Variants in TUBGCP4 observed in about 807,000 individuals in gnomAD.
TUBGCP4 encodes the protein tubulin gamma complex component 4, also known as gamma-tubulin complex component 4.
A neutral mutation model predicts 91.6 loss-of-function variants in TUBGCP4; 54 were observed. The ratio of observed to expected loss-of-function variants is 0.59; its 90% CI spans 0.47 to 0.74. The LOEUF (loss-of-function observed/expected upper bound fraction) is 0.74. Among genes scored for constraint, TUBGCP4 ranks in the 30% least tolerant of loss-of-function variants. The pLI, the probability that TUBGCP4 is intolerant of heterozygous loss-of-function variation, is 0.00. For missense variants in TUBGCP4, 593 were observed against 800.9 expected, an observed-to-expected ratio of 0.74 and a Z score of 3.13; for synonymous variants, 297 against 302.8, an observed-to-expected ratio of 0.98 and a Z score of 0.20.
At chr15:43,405,023 TTCTC>T (rs1429278770) in intron 17 of TUBGCP4, 175 bp from the exon 18 acceptor site, 5 of 647,276 alleles carry the variant, frequency 7.7e-6, no homozygotes, top group Non-Finnish European at 1.1e-5. Context: ...TCATTGTCCT[TTCTC>T]TCTAAAATGT....
chr15:43,381,688 C>T (rs1326599913), intron 6 of TUBGCP4, among the ~76,000 whole-genome samples: 2 of 152,010 alleles, frequency 1.3e-5, no homozygotes, highest in Admixed American at 6.6e-5. Context: ...GCTGAGATCT[C>T]GCCACTGTAA....
At chr15:43,376,018 G>A in intron 1 of TUBGCP4, 80 bp from the exon 2 acceptor site, 2 of 1,578,356 alleles carry the variant, frequency 1.3e-6, no homozygotes, top group South Asian at 2.3e-5. Context: ...AACGATAAAT[G>A]TGTAGTATGA....
intron 13 of TUBGCP4, 37 bp downstream of exon 13, chr15:43,398,216 C>G (rs757705561): frequency 3.1e-6 from 5 of 1,591,172 alleles, no homozygotes; most frequent in Admixed American, 1.7e-5. Flanking sequence ...TAAATATGAC[C>G]CACCTTACTT....
chr15:43,379,019 CT>C (rs1306106070), intron 5 of TUBGCP4, among the ~76,000 whole-genome samples: 2 of 152,224 alleles, frequency 1.3e-5, no homozygotes, highest in African/African-American at 2.4e-5. Context: ...CTCAGTTGGC[CT>C]TCAACTTCCG....
At chr15:43,383,279 C>T in intron 6 of TUBGCP4, 24 bp from the exon 7 acceptor site, 1 of 1,601,064 alleles carries the variant, frequency 6.2e-7, no homozygotes. Context: ...GACTTCTGAG[C>T]CTCTTACTTT....
At chr15:43,377,663 C>A in intron 4 of TUBGCP4, 184 bp from the exon 5 acceptor site, 1 of 540,726 alleles carries the variant, frequency 1.8e-6, no homozygotes, top group South Asian at 2.7e-5. Flanking sequence ...CTCTCTCTGC[C>A]ATCCTCTTCC....
At position 43,407,621 on chromosome 15, in the gene TUBGCP4, T is replaced by A. The variant is rs2044951890; in HGVS notation, c.*2407T>A. ...AAGGAAAGGACACTCAACTTAGCCC[T>A]CCATTAGAAAGAGAGATTTGATTCT... On this transcript the variant is annotated 3_prime_UTR_variant, in exon 18 of 18. Transcript: ENST00000564079. 1 of 1,533,168 alleles carries A rather than the reference T, an allele frequency of 6.5e-7. No homozygotes were observed. The highest frequency in any genetic ancestry group is 8.9e-7 in the Non-Finnish European group (1 of 1,126,808). 95.0% of individuals were successfully genotyped at this position (1,533,168 alleles called of 1,614,324 possible).
At chr15:43,395,385 T>TA (rs1476412097) in intron 10 of TUBGCP4, 198 bp from the exon 11 acceptor site, 5 of 663,148 alleles carry the variant, frequency 7.5e-6, no homozygotes, top group Non-Finnish European at 1.3e-5. Flanking sequence ...TGCTATTGAA[T>TA]AAATAATGCC....
At chr15:43,387,055 C>G (rs982698709) in intron 9 of TUBGCP4, among the ~76,000 whole-genome samples, 1 of 152,156 alleles carries the variant, frequency 6.6e-6, no homozygotes, top group African/African-American at 2.4e-5. Context: ...AATTTTGTGT[C>G]TTGTAGTTTA....
chr15:43,377,805 A>G, intron 4 of TUBGCP4, 42 bp from the exon 5 acceptor site: 2 of 1,480,186 alleles, frequency 1.4e-6, no homozygotes, highest in Non-Finnish European at 1.9e-6. Flanking sequence ...TTTTTCCCTT[A>G]CATTTGATTA....
intron 17 of TUBGCP4, 177 bp from the exon 18 acceptor site, chr15:43,405,023 TTC>T (rs1429278770): frequency 7.7e-6 from 5 of 647,274 alleles, no homozygotes; most frequent in Non-Finnish European, 5.3e-6. Context: ...TCATTGTCCT[TTC>T]TCTCTAAAAT....
At chr15:43,387,153 T>G (rs2044388657) in intron 9 of TUBGCP4, among the ~76,000 whole-genome samples, 1 of 152,232 alleles carries the variant, frequency 6.6e-6, no homozygotes, top group Admixed American at 6.5e-5. Flanking sequence ...TTCTTATAAA[T>G]GAAGCAAACA....
At chr15:43,400,529 C>T (rs1463893929) in intron 14 of TUBGCP4, among the ~76,000 whole-genome samples, 2 of 152,148 alleles carry the variant, frequency 1.3e-5, no homozygotes, top group Non-Finnish European at 2.9e-5. Flanking sequence ...TCTCAAGTAG[C>T]TATGACTACA....
At chr15:43,381,794 A>G (rs1410479411) in intron 6 of TUBGCP4, among the ~76,000 whole-genome samples, 1 of 152,214 alleles carries the variant, frequency 6.6e-6, no homozygotes, top group Non-Finnish European at 1.5e-5. Context: ...CCATTTGTTA[A>G]CATTTGCCAC....
chr15:43,382,333 T>C (rs2044297530), intron 6 of TUBGCP4, among the ~76,000 whole-genome samples: 1 of 152,234 alleles, frequency 6.6e-6, no homozygotes. Flanking sequence ...ATCCAAATTT[T>C]TCTAGTTGTC....
chr15:43,385,759 T>C (rs191091404), intron 7 of TUBGCP4, 32 bp from the exon 8 acceptor site: 2 of 1,610,570 alleles, frequency 1.2e-6, no homozygotes, highest in Non-Finnish European at 1.7e-6. Context: ...TGCTTCACAC[T>C]GCATCTCGAT....
At chr15:43,388,910 AT>A (rs1232419381) in intron 9 of TUBGCP4, among the ~76,000 whole-genome samples, 30 of 152,180 alleles carry the variant, frequency 2.0e-4, no homozygotes, top group Non-Finnish European at 1.0e-4. Flanking sequence ...TCCTTTAAAA[AT>A]TTTTTTCTTT....
Position 43,409,356 on chromosome 15 carries a change from A to G in TUBGCP4, c.*4142A>G, listed in dbSNP as rs2045035675. On this transcript the variant is annotated 3_prime_UTR_variant, in exon 18 of 18. Coordinates refer to ENST00000564079, the MANE Select transcript of TUBGCP4 (RefSeq NM_014444.5). ...CCAAAACCTATGAACTCAGCCTTTC[A>G]GGCTAAAAATCAGCAACCCTAATAG... 1.7e-6 allele frequency: 1 copy of G among 574,944 alleles called. No individual in the cohort carries two copies. The highest frequency in any genetic ancestry group is 3.1e-6 in the Non-Finnish European group (1 of 323,174). The allele number at this position is 574,944 out of a possible 1,614,324, so 35.6% of individuals were successfully genotyped here. A position where few individuals can be genotyped will look rare whatever the true frequency, so the allele number is the denominator to read the frequency against.
intron 6 of TUBGCP4, among the ~76,000 whole-genome samples, chr15:43,380,845 G>C (rs1418208650): frequency 6.6e-6 from 1 of 152,068 alleles, no homozygotes; most frequent in Non-Finnish European, 1.5e-5. Context: ...TATAATCAAA[G>C]ACTGCCTGTT....
Sources: allele counts gnomAD v4.1 joint callset (sites outside exome capture counted in the v4.1 genomes callset), GRCh38; gene constraint gnomAD v4.1.1; transcripts MANE v1.5; gene names NCBI Gene and HGNC (gene_info 2026-07-23, HGNC 2026-07-21).